The following ZNF717 variants were observed in gnomAD, a reference collection of about 807,000 sequenced individuals.
ZNF717 encodes zinc finger protein 717.
Under a neutral mutation model 13.8 loss-of-function variants are expected in ZNF717, and 9 were observed. That is an observed-to-expected ratio of 0.65 (90% confidence interval 0.39 to 1.14). The LOEUF is 1.14. Among genes scored for constraint, ZNF717 ranks in the 50% most tolerant of loss-of-function variants. The pLI, the probability that ZNF717 is intolerant of heterozygous loss-of-function variation, is 0.01. For synonymous variants in ZNF717, 327 were observed against 364.1 expected (o/e 0.90, Z 1.16); for missense variants, 1,040 against 1,080.7 (o/e 0.96, Z 0.53).
downstream of ZNF717, among the ~76,000 whole-genome samples, chr3:75,709,195 T>G (rs1937879055): frequency 6.6e-6 from 1 of 152,024 alleles, no homozygotes; most frequent in African/African-American, 2.4e-5. Context: ...AGATGTGGTT[T>G]CACCATGTTG....
At chr3:75,729,362 TC>T (rs1938379761), downstream of ZNF717, among the ~76,000 whole-genome samples, 1 of 152,244 alleles carries the variant, frequency 6.6e-6, no homozygotes, top group South Asian at 2.1e-4. Context: ...ACATCTGTAA[TC>T]CCAGCACTCT....
downstream of ZNF717, among the ~76,000 whole-genome samples, chr3:75,733,483 A>T: frequency 6.6e-6 from 1 of 152,184 alleles, no homozygotes. Flanking sequence ...AAACAAAGAT[A>T]AGAATCACAT....
chr3:75,732,817 A>G (rs1263204311), downstream of ZNF717, among the ~76,000 whole-genome samples: 106 of 152,250 alleles, frequency 7.0e-4, 1 homozygote, highest in Non-Finnish European at 1.0e-3. Context: ...CTGGTATCTC[A>G]TATCTAGGAA....
downstream of ZNF717, among the ~76,000 whole-genome samples, chr3:75,733,187 T>C (rs1275403135): frequency 6.6e-6 from 1 of 152,130 alleles, no homozygotes; most frequent in Non-Finnish European, 1.5e-5. Context: ...CTGAAAAGAA[T>C]GGAATGTAAT....
downstream of ZNF717, among the ~76,000 whole-genome samples, chr3:75,704,725 C>T (rs200196000): frequency 3.8e-5 from 5 of 132,214 alleles, no homozygotes; most frequent in Admixed American, 7.4e-5. Flanking sequence ...CTCTGCTCAG[C>T]GCCTCAGTTT....
At chr3:75,741,556 A>C (rs1207211131) in intron 3 of ZNF717, 54 bp downstream of exon 3, 61 of 1,554,866 alleles carry the variant, frequency 3.9e-5, no homozygotes, top group Non-Finnish European at 4.9e-5. Flanking sequence ...AAGGGTTCCT[A>C]TATTTACCAG....
downstream of ZNF717, among the ~76,000 whole-genome samples, chr3:75,726,237 G>A (rs1485306515): frequency 2.6e-5 from 4 of 152,252 alleles, no homozygotes; most frequent in Non-Finnish European, 5.9e-5. Flanking sequence ...TGGGCTGTGT[G>A]CCCTGAGAGG....
chr3:75,733,507 G>A (rs1371355020), downstream of ZNF717, among the ~76,000 whole-genome samples: 2 of 152,214 alleles, frequency 1.3e-5, no homozygotes, highest in Non-Finnish European at 2.9e-5. Flanking sequence ...GGTTGAGCTC[G>A]GTGGCTCATG....
At chr3:75,754,685 AC>A (rs1559639150) in intron 2 of ZNF717, among the ~76,000 whole-genome samples, 1 of 152,222 alleles carries the variant, frequency 6.6e-6, no homozygotes, top group Non-Finnish European at 1.5e-5. Flanking sequence ...ACTGAAATGA[AC>A]AAAAGATGAT....
chr3:75,731,058 T>C (rs1429349750), downstream of ZNF717, among the ~76,000 whole-genome samples: 38 of 152,106 alleles, frequency 2.5e-4, no homozygotes, highest in Admixed American at 1.1e-3. Flanking sequence ...CTGGTCAACA[T>C]GGCAAAACCC....
At chr3:75,728,602 G>A (rs112894390), downstream of ZNF717, among the ~76,000 whole-genome samples, 1 of 151,810 alleles carries the variant, frequency 6.6e-6, no homozygotes, top group Non-Finnish European at 1.5e-5. Context: ...ATGATAATGA[G>A]TCACATGAGA....
chr3:75,780,678 G>A (rs1301142878), intron 2 of ZNF717, among the ~76,000 whole-genome samples: 1 of 152,264 alleles, frequency 6.6e-6, no homozygotes, highest in Admixed American at 6.5e-5. Context: ...GGGATTACAG[G>A]TGTGAGCCAC....
intron 2 of ZNF717, among the ~76,000 whole-genome samples, chr3:75,752,821 G>C (rs57425214): frequency 0.099 from 14,157 of 142,350 alleles, 1,243 homozygotes; most frequent in African/African-American, 0.22. Context: ...TGCTCCTGGG[G>C]TCTGAATGTT....
intron 2 of ZNF717, among the ~76,000 whole-genome samples, chr3:75,748,951 A>G (rs78640637): frequency 6.6e-6 from 1 of 151,876 alleles, no homozygotes; most frequent in African/African-American, 2.4e-5. Context: ...CCAGAACACT[A>G]CTGCTGTGGT....
intron 6 of ZNF717, among the ~76,000 whole-genome samples, chr3:75,704,045 G>A (rs1241614306): frequency 8.5e-5 from 13 of 152,334 alleles, no homozygotes; most frequent in African/African-American, 2.6e-4. Context: ...GCTAGCTTAG[G>A]ACAGTGGGTT....
chr3:75,748,625 C>T (rs1249272950), intron 2 of ZNF717, among the ~76,000 whole-genome samples: 5 of 152,088 alleles, frequency 3.3e-5, no homozygotes, highest in Admixed American at 6.6e-5. Context: ...AAAAGGCCTT[C>T]AACAAAATTC....
intron 2 of ZNF717, among the ~76,000 whole-genome samples, chr3:75,747,870 T>C (rs201154592): frequency 1.3e-5 from 2 of 151,772 alleles, no homozygotes; most frequent in Non-Finnish European, 2.9e-5. Context: ...GATAGAGACA[T>C]AAAAAACCCT....
chr3:75,726,629 G>T (rs1435864141), downstream of ZNF717, among the ~76,000 whole-genome samples: 1 of 152,268 alleles, frequency 6.6e-6, no homozygotes, highest in Non-Finnish European at 1.5e-5. Context: ...CATGTTAATG[G>T]AATGACATAC....
intron 5 of ZNF717, among the ~76,000 whole-genome samples, chr3:75,714,191 G>A (rs1234944667): frequency 6.6e-6 from 1 of 150,764 alleles, no homozygotes; most frequent in Non-Finnish European, 1.5e-5. Flanking sequence ...CCCTCCACAA[G>A]AGGTGGCAGA....
Sources: gnomAD v4.1 joint callset for allele counts (sites outside exome capture counted in the v4.1 genomes callset) on GRCh38, gnomAD v4.1.1 for gene constraint, MANE v1.5 for transcripts, NCBI Gene and HGNC (gene_info 2026-07-23, HGNC 2026-07-21) for gene names.